Variants in NYAP2 observed in about 807,000 individuals in gnomAD.
The protein encoded by NYAP2 is neuronal tyrosine-phosphorylated phosphoinositide-3-kinase adapter 2.
NYAP2 carries 23 observed loss-of-function variants against 50.4 expected under a neutral mutation model. The ratio of observed to expected loss-of-function variants is 0.46; its 90% CI spans 0.33 to 0.65. The LOEUF (loss-of-function observed/expected upper bound fraction) is 0.65. Ranked by LOEUF, NYAP2 falls within the 30% of genes least tolerant of loss-of-function variation. NYAP2 has a pLI of 0.02. For missense variants in NYAP2, 885 were observed against 861.0 expected, an observed-to-expected ratio of 1.03 and a Z score of -0.35; for synonymous variants, 394 against 365.2, an observed-to-expected ratio of 1.08 and a Z score of -0.90.
intron 4 of NYAP2, among the ~76,000 whole-genome samples, chr2:225,530,285 T>G (rs1256783458): frequency 1.3e-5 from 2 of 152,118 alleles, no homozygotes; most frequent in Non-Finnish European, 2.9e-5. Context: ...GCCACCGTCC[T>G]GCATCCCTCC....
chr2:225,620,469 A>G (rs1360403455), intron 5 of NYAP2, among the ~76,000 whole-genome samples: 1 of 149,440 alleles, frequency 6.7e-6, no homozygotes, highest in Non-Finnish European at 1.5e-5. Flanking sequence ...ACGCGCATGC[A>G]CACGCACACG....
At chr2:225,645,252 A>AG (rs200765995) in intron 6 of NYAP2, among the ~76,000 whole-genome samples, 3,113 of 151,830 alleles carry the variant, frequency 0.021, 112 homozygotes, top group African/African-American at 0.071. Flanking sequence ...AAAAAAAAAA[A>AG]AAGAAGAAGA....
chr2:225,494,700 G>C (rs1690470025), intron 3 of NYAP2, among the ~76,000 whole-genome samples: 1 of 152,248 alleles, frequency 6.6e-6, no homozygotes, highest in Non-Finnish European at 1.5e-5. Context: ...TTCTAAGCTT[G>C]GTGATATTGT....
chr2:225,644,399 C>G (rs1211120626), intron 6 of NYAP2, among the ~76,000 whole-genome samples: 1 of 151,118 alleles, frequency 6.6e-6, no homozygotes, highest in Admixed American at 6.6e-5. Context: ...GTTGCCTGTT[C>G]ACTCTGATGG....
At chr2:225,600,794 T>C (rs759756706) in intron 5 of NYAP2, among the ~76,000 whole-genome samples, 2 of 152,252 alleles carry the variant, frequency 1.3e-5, no homozygotes, top group Non-Finnish European at 2.9e-5. Context: ...AGGTAGCTGA[T>C]GTAAGTGGAA....
the NYAP2 span, among the ~76,000 whole-genome samples, chr2:225,695,239 G>A: frequency 6.6e-6 from 1 of 151,592 alleles, no homozygotes; most frequent in Admixed American, 6.6e-5. Context: ...CTGTTGTCAA[G>A]GGAATCCAGA....
chr2:225,591,743 T>C (rs576161937), intron 5 of NYAP2, among the ~76,000 whole-genome samples: 2 of 152,314 alleles, frequency 1.3e-5, no homozygotes, highest in South Asian at 2.1e-4. Context: ...GATTTAATGA[T>C]ACCTTATCTA....
intron 3 of NYAP2, among the ~76,000 whole-genome samples, chr2:225,418,840 A>G (rs1316384155): frequency 1.3e-5 from 2 of 152,238 alleles, no homozygotes; most frequent in Non-Finnish European, 2.9e-5. Context: ...TAAAAATTGT[A>G]TACATATACA....
At chr2:225,669,085 T>C in the NYAP2 span, among the ~76,000 whole-genome samples, 1 of 150,898 alleles carries the variant, frequency 6.6e-6, no homozygotes, top group Admixed American at 6.7e-5. Flanking sequence ...ACATAATGAA[T>C]GTCTGACTCA....
At chr2:225,473,198 C>T (rs1210090631) in intron 3 of NYAP2, among the ~76,000 whole-genome samples, 1 of 152,174 alleles carries the variant, frequency 6.6e-6, no homozygotes, top group Admixed American at 6.5e-5. Flanking sequence ...TTTCTTTATC[C>T]AGTCTATCAT....
At chr2:225,571,912 G>A (rs115253368) in intron 4 of NYAP2, among the ~76,000 whole-genome samples, 3,836 of 152,222 alleles carry the variant, frequency 0.025, 153 homozygotes, top group African/African-American at 0.087. Context: ...TGAACGCTTT[G>A]CTGCTTAGAA....
Position 225,504,314 on chromosome 2 carries a change from G to A in NYAP2, c.222-9057G>A, listed in dbSNP as rs1484897321. Among the ~76,000 whole-genome samples the A allele has an allele frequency of 2.6e-5, 4 of 152,070 alleles. No homozygotes were observed. In the East Asian group the frequency reaches 7.7e-4, roughly 29 times the overall value. On this transcript the variant is annotated intron_variant, in intron 3 of 6. Coordinates refer to ENST00000636099, the Ensembl canonical transcript of NYAP2. ...GAGAGCTCTCTGGGATCTCTTTAAT[G>A]AGGGCCCTAATTTCATTCTGAGGGT...
Position 225,433,512 on chromosome 2 carries a change from TA to T in NYAP2, c.221+24420del, listed in dbSNP as rs201096904. On this transcript the variant is annotated intron_variant, in intron 3 of 6. Coordinates refer to ENST00000636099, the Ensembl canonical transcript of NYAP2. ...TAGTCAAATTTTTAAAGGGCAAATTTAAAAAAAAATTTAAAATATATATAGC... is the reference window on the plus strand; with the variant it reads ...TAGTCAAATTTTTAAAGGGCAAATTTAAAAAAAATTTAAAATATATATAGC... 8.2e-3 allele frequency among the ~76,000 whole-genome samples: 1,245 copies of T among 151,792 alleles called. 13 individuals carry two copies. The highest frequency in any genetic ancestry group is 0.027 in the African/African-American group (1,134 of 41,392).
chr2:225,583,527 A>G (rs1465286774), intron 5 of NYAP2, among the ~76,000 whole-genome samples: 3 of 152,192 alleles, frequency 2.0e-5, no homozygotes, highest in Non-Finnish European at 4.4e-5. Context: ...AACATTTTTA[A>G]ATAGGAAATG....
rs950363218 is a variant in NYAP2, at chr2:225,505,009, A to G, written c.222-8362A>G. Among the ~76,000 whole-genome samples, 4 of 68,674 alleles carry G rather than the reference A, an allele frequency of 5.8e-5. No individual in the cohort carries two copies. In the Admixed American group the frequency reaches 5.8e-4, roughly 10 times the overall value. The allele number at this position is 68,674 out of a possible 152,430, so 45.1% of individuals were successfully genotyped here. A position where few individuals can be genotyped will look rare whatever the true frequency, so the allele number is the denominator to read the frequency against. ...GGTGACGGAGCAAGACTGCGTCTCG[A>G]AAAAAAAAAAAATCATCATCATCAT... is the stretch of plus-strand genomic sequence containing the variant. On this transcript the variant is annotated intron_variant, in intron 3 of 6. Transcript: ENST00000636099.
intron 3 of NYAP2, among the ~76,000 whole-genome samples, chr2:225,410,740 A>G (rs548160010): frequency 6.6e-6 from 1 of 152,162 alleles, no homozygotes; most frequent in Non-Finnish European, 1.5e-5. Flanking sequence ...GTAGGTTTCT[A>G]TTTAAAGATT....
intron 3 of NYAP2, among the ~76,000 whole-genome samples, chr2:225,457,604 C>T (rs142992438): frequency 1.1e-4 from 16 of 152,298 alleles, no homozygotes; most frequent in Admixed American, 2.6e-4. Context: ...CCAGGGAACA[C>T]GATGGACTCT....
chr2:225,592,480 G>C (rs1692524628), intron 5 of NYAP2, among the ~76,000 whole-genome samples: 1 of 152,176 alleles, frequency 6.6e-6, no homozygotes, highest in Non-Finnish European at 1.5e-5. Flanking sequence ...GTACTTGACA[G>C]AATCAGACAC....
intron 4 of NYAP2, among the ~76,000 whole-genome samples, chr2:225,565,899 G>C (rs1039959865): frequency 6.7e-6 from 1 of 148,296 alleles, no homozygotes; most frequent in Admixed American, 6.6e-5. Flanking sequence ...TTTAAAAAAC[G>C]GTAAAAAAAT....
Sources: allele counts gnomAD v4.1 joint callset (sites outside exome capture counted in the v4.1 genomes callset), GRCh38; gene constraint gnomAD v4.1.1; transcripts MANE v1.5; gene names NCBI Gene and HGNC (gene_info 2026-07-23, HGNC 2026-07-21).